PIWIL3: variants seen among roughly 807,000 people sequenced by gnomAD.
PIWIL3 encodes the protein piwi like RNA-mediated gene silencing 3, also known as piwi-like protein 3.
In PIWIL3, 101 loss-of-function variants were observed where a neutral mutation model predicts 109.7. The observed-to-expected ratio is 0.92, with a 90% CI of 0.78 to 1.09. PIWIL3 has a LOEUF of 1.09. Ranked by LOEUF, PIWIL3 falls within the 50% of genes least tolerant of loss-of-function variation. The pLI is 0.00. For synonymous variants in PIWIL3, 373 were observed against 376.4 expected (o/e 0.99, Z 0.10); for missense variants, 1,031 against 1,072.6 (o/e 0.96, Z 0.54).
intron 17 of PIWIL3, 21 bp from the exon 18 acceptor site, chr22:24,725,058 G>C: frequency 6.2e-7 from 1 of 1,612,770 alleles, no homozygotes; most frequent in African/African-American, 1.3e-5. Context: ...ATCAGAAAAA[G>C]TAAATAAACC....
chr22:24,727,839 TC>T, intron 16 of PIWIL3, 110 bp downstream of exon 16: 1 of 826,196 alleles, frequency 1.2e-6, no homozygotes, highest in Non-Finnish European at 1.9e-6. Flanking sequence ...TAAGAATAAC[TC>T]ATCTGTCAAA....
intron 1 of PIWIL3, among the ~76,000 whole-genome samples, chr22:24,768,703 T>C (rs1925945453): frequency 6.6e-6 from 1 of 152,200 alleles, no homozygotes; most frequent in Non-Finnish European, 1.5e-5. Context: ...GACAGCATTC[T>C]CTGCCCCAAG....
At chr22:24,765,013 C>G (rs1239335072) in intron 1 of PIWIL3, among the ~76,000 whole-genome samples, 1 of 152,124 alleles carries the variant, frequency 6.6e-6, no homozygotes, top group Non-Finnish European at 1.5e-5. Context: ...GAGATAATAA[C>G]ATAAGGGAGA....
intron 1 of PIWIL3, among the ~76,000 whole-genome samples, chr22:24,762,887 G>A (rs1319313327): frequency 2.0e-5 from 3 of 151,982 alleles, no homozygotes; most frequent in Non-Finnish European, 2.9e-5. Flanking sequence ...CACCCCCAGG[G>A]CCCAAACACC....
At chr22:24,726,574 C>T (rs1419978138) in intron 16 of PIWIL3, among the ~76,000 whole-genome samples, 3 of 152,288 alleles carry the variant, frequency 2.0e-5, no homozygotes, top group South Asian at 2.1e-4. Context: ...CGTGAGCCGC[C>T]GCACCCGGCG....
intron 2 of PIWIL3, 96 bp downstream of exon 2, chr22:24,762,302 T>C: frequency 6.6e-7 from 1 of 1,505,946 alleles, no homozygotes. Flanking sequence ...CACTTAGCAC[T>C]ATACCTGAAC....
rs374209571 is a variant in PIWIL3, at chr22:24,754,031, T to C, written c.960A>G (p.Gly320=). ...AGACTTACTTTGTCAGAACAATTGA[T>C]CCAATTAATTTATTAGTTACTTCCT... ...IREEVTNKLI[G]SIVLTKYNNK... The change falls in exon 8 of 21, where the codon GGA becomes GGG. Residue 320 remains glycine, a synonymous_variant. Coordinates refer to ENST00000616349, the MANE Select transcript of PIWIL3 (RefSeq NM_001255975.1). 91 of 1,607,284 alleles carry C rather than the reference T, an allele frequency of 5.7e-5. 2 individuals carry two copies. In the East Asian group the frequency reaches 6.0e-4, roughly 11 times the overall value.
chr22:24,744,283 A>T (rs1316246121), intron 12 of PIWIL3, among the ~76,000 whole-genome samples: 1 of 151,620 alleles, frequency 6.6e-6, no homozygotes, highest in Non-Finnish European at 1.5e-5. Flanking sequence ...ATGAAAAAAC[A>T]CAAAAAAGGC....
chr22:24,752,785 C>T (rs1358520630), intron 8 of PIWIL3, among the ~76,000 whole-genome samples: 1 of 152,156 alleles, frequency 6.6e-6, no homozygotes, highest in Non-Finnish European at 1.5e-5. Flanking sequence ...AATATTCCTA[C>T]AAGCAGCATA....
In PIWIL3 at chr22:24,754,179, A is replaced by G. The variant is rs756423889; in HGVS notation, c.812T>C (p.Val271Ala). 1.2e-5 allele frequency: 19 copies of G among 1,613,996 alleles called. No individual in the cohort carries two copies. Among genetic ancestry groups the G allele is most frequent in the Non-Finnish European group, 8.5e-7 (1 of 1,179,956 alleles). The change falls in exon 8 of 21, where the codon GTT becomes GCT. Residue 271 changes from valine (V) to alanine (A), a missense_variant. Physicochemically the swap from Val to Ala is moderately conservative, Grantham distance 64. Transcript: ENST00000616349. ...LEIWLGYVTS[V>A]LQYENSITLC... ...GGTAATGCTGTTTTCGTATTGAAGA[A>G]CAGAAGTAACATAACCAAGCCAGAT...
intron 18 of PIWIL3, 52 bp downstream of exon 18, chr22:24,724,835 G>A (rs970831543): frequency 3.8e-6 from 6 of 1,564,378 alleles, no homozygotes; most frequent in Non-Finnish European, 5.2e-6. Context: ...ACCTTCCAAA[G>A]TGCTGGGATT....
In PIWIL3 at chr22:24,728,181, G is replaced by T; in HGVS notation, c.1901C>A (p.Thr634Lys). The T allele has an allele frequency of 6.2e-7, 1 of 1,614,046 alleles. No individual in the cohort carries two copies. The highest frequency in any genetic ancestry group is 8.5e-7 in the Non-Finnish European group (1 of 1,179,930). ...AGTCAGTGAAATACAACATACGTCTGTCTCCACCTTCCAGAGGGCTCCTCC... is the reference window on the plus strand; with the variant it reads ...AGTCAGTGAAATACAACATACGTCTTTCTCCACCTTCCAGAGGGCTCCTCC... ...KMGGALWKVE[T>K]DVQRTMFVGI... Residue 634 changes from threonine (T) to lysine (K), a missense_variant, in exon 15 of 21, where the codon ACA becomes AAA. By Grantham distance (78) the Thr-to-Lys change is moderately conservative. Transcript: ENST00000616349.
chr22:24,749,590 G>A (rs1924581387), intron 10 of PIWIL3, 69 bp from the exon 11 acceptor site: 2 of 1,610,102 alleles, frequency 1.2e-6, no homozygotes, highest in Non-Finnish European at 8.5e-7. Flanking sequence ...TATAACAGCT[G>A]GAGGAACCTA....
chr22:24,750,281 T>A (rs1276413204), intron 9 of PIWIL3, among the ~76,000 whole-genome samples: 1 of 152,096 alleles, frequency 6.6e-6, no homozygotes, highest in Non-Finnish European at 1.5e-5. Flanking sequence ...GTTAGGCCCT[T>A]TTTCCATCTG....
intron 19 of PIWIL3, among the ~76,000 whole-genome samples, chr22:24,720,546 C>T (rs2147640921): frequency 6.6e-6 from 1 of 152,266 alleles, no homozygotes; most frequent in East Asian, 1.9e-4. Context: ...GCTGGGATTA[C>T]AGGCATGAGC....
rs1401083106 is a variant in PIWIL3, at chr22:24,749,445, T to TC, written c.1292dup (p.Arg432LysfsTer15). The TC allele has an allele frequency of 1.2e-6, 2 of 1,613,830 alleles. No individual in the cohort carries two copies. The highest frequency in any genetic ancestry group is 1.7e-6 in the Non-Finnish European group (2 of 1,180,012). On this transcript the variant is annotated frameshift_variant, in exon 11 of 21. Coordinates refer to ENST00000616349, the MANE Select transcript of PIWIL3 (RefSeq NM_001255975.1). LOFTEE classifies it high-confidence loss of function. ...TGAATTCTTTTAATGTATGATGCCTTCTTCTTGGACTCAATCTTGTATGTT... is the reference window on the plus strand; with the variant it reads ...TGAATTCTTTTAATGTATGATGCCTTCCTTCTTGGACTCAATCTTGTATGTT...
intron 13 of PIWIL3, among the ~76,000 whole-genome samples, chr22:24,734,991 T>A (rs1217689301): frequency 2.0e-5 from 3 of 151,826 alleles, no homozygotes; most frequent in Non-Finnish European, 2.9e-5. Context: ...ACATACTGTA[T>A]GAGTCTAACT....
rs1384794966 is a variant in PIWIL3, at chr22:24,723,322, G to GA, written c.2232-68dup. The GA allele has an allele frequency of 1.6e-5, 24 of 1,487,906 alleles. No homozygotes were observed. In the African/African-American group the frequency reaches 3.3e-4, roughly 21 times the overall value. The allele number at this position is 1,487,906 out of a possible 1,614,324, so 92.2% of individuals were successfully genotyped here. On this transcript the variant is annotated intron_variant, in intron 18 of 20. Transcript: ENST00000616349. The stretch of plus-strand genomic sequence containing the variant: ...TTACCTCAGAAGTACACAGTGTATT[G>GA]AAACATCTGCTTTACATTTAGGACC...
intron 16 of PIWIL3, among the ~76,000 whole-genome samples, chr22:24,726,392 C>A (rs935480051): frequency 6.6e-6 from 1 of 151,960 alleles, no homozygotes; most frequent in Non-Finnish European, 1.5e-5. Flanking sequence ...ACGCCATTCT[C>A]CTACCTCAGC....
Sources: allele counts gnomAD v4.1 joint callset (sites outside exome capture counted in the v4.1 genomes callset), GRCh38; gene constraint gnomAD v4.1.1; transcripts MANE v1.5; gene names NCBI Gene and HGNC (gene_info 2026-07-23, HGNC 2026-07-21).